The following FOXN3 variants were observed in gnomAD, a reference collection of about 807,000 sequenced individuals.
FOXN3 encodes the protein forkhead box N3.
In FOXN3, 7 loss-of-function variants were observed where a neutral mutation model predicts 38.4. That is an observed-to-expected ratio of 0.18 (90% CI 0.10 to 0.34). The LOEUF is 0.34. Ranked by LOEUF, FOXN3 falls within the 10% of genes least tolerant of loss-of-function variation. The pLI is 1.00. For missense variants in FOXN3, 456 were observed against 613.4 expected (o/e 0.74, Z 2.71); for synonymous variants, 230 against 242.2 (o/e 0.95, Z 0.47).
chr14:89,165,560 G>A (rs1440160517), intron 5 of FOXN3, among the ~76,000 whole-genome samples: 5 of 152,192 alleles, frequency 3.3e-5, no homozygotes, highest in Non-Finnish European at 2.9e-5. Context: ...CACAGCCCCT[G>A]AGCTTTGGGG....
intron 2 of FOXN3, among the ~76,000 whole-genome samples, chr14:89,356,926 T>C (rs1010099913): frequency 6.6e-6 from 1 of 152,202 alleles, no homozygotes; most frequent in Non-Finnish European, 1.5e-5. Context: ...AAGTTGCTGC[T>C]GTGTGAGAAA....
chr14:89,322,758 A>AGAAGGAGGCCAAGTGGGAG (rs1191901743), intron 3 of FOXN3, among the ~76,000 whole-genome samples: 28 of 152,260 alleles, frequency 1.8e-4, no homozygotes, highest in African/African-American at 5.1e-4. Context: ...GGAAGAGGCA[A>AGAAGGAGGCCAAGTGGGAG]GAAGGAGGCC....
chr14:89,472,720 C>CAAA (rs1157948946), intron 1 of FOXN3, among the ~76,000 whole-genome samples: 17 of 46,572 alleles, frequency 3.7e-4, no homozygotes, highest in African/African-American at 4.5e-4. Flanking sequence ...GACCCCATCT[C>CAAA]AAAAAAAAAA....
chr14:89,399,135 C>G (rs1040168619), intron 2 of FOXN3, among the ~76,000 whole-genome samples: 31 of 152,254 alleles, frequency 2.0e-4, no homozygotes, highest in Admixed American at 3.3e-4. Context: ...GGTGCACAGG[C>G]CCCTGTTCTG....
intron 1 of FOXN3, among the ~76,000 whole-genome samples, chr14:89,565,757 T>C (rs1895335269): frequency 6.6e-6 from 1 of 152,154 alleles, no homozygotes; most frequent in Non-Finnish European, 1.5e-5. Context: ...TAATTAGTGG[T>C]GGTGGTTGCA....
chr14:89,480,329 G>C (rs2139759172), intron 1 of FOXN3, among the ~76,000 whole-genome samples: 1 of 152,176 alleles, frequency 6.6e-6, no homozygotes, highest in Admixed American at 6.5e-5. Flanking sequence ...CTTCAACTCG[G>C]GAGGCGGAGG....
At chr14:89,325,372 G>T (rs1304117108) in intron 3 of FOXN3, among the ~76,000 whole-genome samples, 23 of 55,718 alleles carry the variant, frequency 4.1e-4, no homozygotes, top group Middle Eastern at 0.011. Flanking sequence ...TACCACCACC[G>T]CCACCACCAC....
intron 1 of FOXN3, among the ~76,000 whole-genome samples, chr14:89,547,094 G>GTAAT (rs1387643858): frequency 6.6e-6 from 1 of 152,254 alleles, no homozygotes; most frequent in African/African-American, 2.4e-5. Flanking sequence ...CTGACACTAG[G>GTAAT]TAATTTATAA....
At chr14:89,469,778 T>G (rs975040778) in intron 1 of FOXN3, among the ~76,000 whole-genome samples, 4 of 152,170 alleles carry the variant, frequency 2.6e-5, no homozygotes, top group African/African-American at 9.7e-5. Context: ...TCCCTCTAGG[T>G]CTCACTGTCT....
Position 89,614,876 on chromosome 14 carries a change from C to T in FOXN3, c.-15+4152G>A, listed in dbSNP as rs113876382. On this transcript the variant is annotated intron_variant, in intron 1 of 6. Coordinates refer to the FOXN3 transcript ENST00000345097. ...TCCGTCTCCCTCAGGCACTCTTAAC[C>T]TCCCTCACCAGGCTGCTCTCTGCAA... Among the ~76,000 whole-genome samples, 1,458 of 152,318 alleles carry T rather than the reference C, an allele frequency of 9.6e-3. 11 individuals are homozygous for T. Among genetic ancestry groups the T allele is most frequent in the Non-Finnish European group, 0.014 (958 of 68,034 alleles).
intron 4 of FOXN3, among the ~76,000 whole-genome samples, chr14:89,264,545 C>T (rs1885911951): frequency 6.6e-6 from 1 of 152,150 alleles, no homozygotes; most frequent in Non-Finnish European, 1.5e-5. Flanking sequence ...TATCACATCA[C>T]AAGGATAACC....
At chr14:89,485,728 G>T (rs1893431862) in intron 1 of FOXN3, among the ~76,000 whole-genome samples, 1 of 152,110 alleles carries the variant, frequency 6.6e-6, no homozygotes, top group Non-Finnish European at 1.5e-5. Flanking sequence ...TCCACTCCAG[G>T]ATCCTTAAGG....
chr14:89,454,299 G>T (rs531911706), intron 1 of FOXN3, among the ~76,000 whole-genome samples: 1 of 152,002 alleles, frequency 6.6e-6, no homozygotes, highest in African/African-American at 2.4e-5. Context: ...GTGAGACTCC[G>T]TCTCAAAAAA....
At chr14:89,376,816 C>T (rs1443845791) in intron 2 of FOXN3, among the ~76,000 whole-genome samples, 1 of 151,780 alleles carries the variant, frequency 6.6e-6, no homozygotes, top group East Asian at 1.9e-4. Flanking sequence ...GAGTTCAACA[C>T]CAGCCTGGCC....
chr14:89,173,116 A>T (rs1379334995), intron 5 of FOXN3, among the ~76,000 whole-genome samples: 1 of 152,240 alleles, frequency 6.6e-6, no homozygotes, highest in Non-Finnish European at 1.5e-5. Flanking sequence ...TGAAGAGAAG[A>T]AAAAAGGGAA....
chr14:89,364,122 G>C (rs1488460028), intron 2 of FOXN3, among the ~76,000 whole-genome samples: 1 of 149,914 alleles, frequency 6.7e-6, no homozygotes, highest in African/African-American at 2.5e-5. Context: ...AATTTAAAAA[G>C]AAAACCAGCC....
At chr14:89,232,020 C>T (rs1884828124) in intron 4 of FOXN3, among the ~76,000 whole-genome samples, 1 of 152,192 alleles carries the variant, frequency 6.6e-6, no homozygotes, top group African/African-American at 2.4e-5. Flanking sequence ...TGGAGCTAAG[C>T]CCCAAGAATA....
Position 89,362,647 on chromosome 14 carries a change from A to ACCT in FOXN3, c.544-11840_544-11839insAGG, listed in dbSNP as rs1310061008. On this transcript the variant is annotated intron_variant, in intron 2 of 5. Coordinates refer to ENST00000557258, the MANE Select transcript of FOXN3 (RefSeq NM_005197.4). The stretch of plus-strand genomic sequence containing the variant: ...CACCTCCACCACCATCTCCACCACC[A>ACCT]CCACCACCATCTCCACCACCACCTC... 5.7e-3 allele frequency among the ~76,000 whole-genome samples: 11 copies of ACCT among 1,946 alleles called. 5 individuals carry two copies. Among genetic ancestry groups the ACCT allele is most frequent in the African/African-American group, 8.4e-3 (8 of 958 alleles). 1.3% of individuals were successfully genotyped at this position (1,946 alleles called of 152,430 possible). A position where few individuals can be genotyped will look rare whatever the true frequency, so the allele number is the denominator to read the frequency against.
Position 89,484,264 on chromosome 14 carries a change from C to T in FOXN3, c.-14-71774G>A, listed in dbSNP as rs1042572823. 5.9e-5 allele frequency among the ~76,000 whole-genome samples: 9 copies of T among 152,302 alleles called. 1 individual carries two copies. The East Asian group carries it at 1.2e-3, about 20-fold the overall frequency. ...ACACATCAAATTTCGCAAACACTTACGTCACACAACTGCCTAGGCCAGGAG... is the reference window on the plus strand; with the variant it reads ...ACACATCAAATTTCGCAAACACTTATGTCACACAACTGCCTAGGCCAGGAG... On this transcript the variant is annotated intron_variant, in intron 1 of 6. Coordinates refer to the FOXN3 transcript ENST00000345097. The surrounding 1 kb of genome is among the most constrained non-coding windows in gnomAD (Gnocchi z 4.0).
Sources: gnomAD v4.1 joint callset for allele counts (sites outside exome capture counted in the v4.1 genomes callset) on GRCh38, gnomAD v4.1.1 for gene constraint, Gnocchi (gnomAD v3.1) non-coding constraint, MANE v1.5 for transcripts, NCBI Gene and HGNC (gene_info 2026-07-23, HGNC 2026-07-21) for gene names.